MYT1L: variants seen among roughly 807,000 people sequenced by gnomAD.
MYT1L encodes myelin transcription factor 1 like.
Under a neutral mutation model 126.7 loss-of-function variants are expected in MYT1L, and 12 were observed. The ratio of observed to expected loss-of-function variants is 0.09; its 90% CI spans 0.06 to 0.15. The LOEUF (loss-of-function observed/expected upper bound fraction) is 0.15, where lower values mean the gene tolerates loss of function less well. Among genes scored for constraint, MYT1L ranks in the 10% least tolerant of loss-of-function variants. MYT1L has a pLI of 1.00. For missense variants in MYT1L, 979 were observed against 1,585.2 expected, an observed-to-expected ratio of 0.62 and a Z score of 6.49; for synonymous variants, 541 against 604.2, an observed-to-expected ratio of 0.90 and a Z score of 1.53.
intron 19 of MYT1L, among the ~76,000 whole-genome samples, chr2:1,844,656 G>A (rs73913440): frequency 0.04 from 6,092 of 152,182 alleles, 404 homozygotes; most frequent in African/African-American, 0.14. Context: ...CTGCATCATC[G>A]GCTGTGAAAA....
At chr2:2,024,098 A>G (rs1055435597) in intron 4 of MYT1L, among the ~76,000 whole-genome samples, 1 of 152,190 alleles carries the variant, frequency 6.6e-6, no homozygotes, top group African/African-American at 2.4e-5. Flanking sequence ...GAAATTTTTT[A>G]TCTTGACTAT....
chr2:1,795,494 T>C (rs929633343), intron 23 of MYT1L: 17 of 152,706 alleles, frequency 1.1e-4, no homozygotes, highest in African/African-American at 3.9e-4. Flanking sequence ...CAGAGGCCGG[T>C]GTCTCCCTTC....
intron 5 of MYT1L, among the ~76,000 whole-genome samples, chr2:1,980,611 C>G (rs956962112): frequency 1.2e-4 from 18 of 152,052 alleles, no homozygotes; most frequent in African/African-American, 4.3e-4. Flanking sequence ...ATCTTCACAA[C>G]AATTTTGTAA....
At chr2:1,826,328 T>C (rs34808240) in intron 21 of MYT1L, among the ~76,000 whole-genome samples, 7,647 of 152,276 alleles carry the variant, frequency 0.05, 305 homozygotes, top group African/African-American at 0.11. Context: ...AGTGCTTTCA[T>C]TCAGCATCTG....
At chr2:2,238,570 T>G (rs1349009648) in intron 2 of MYT1L, among the ~76,000 whole-genome samples, 1 of 152,188 alleles carries the variant, frequency 6.6e-6, no homozygotes, top group African/African-American at 2.4e-5. Flanking sequence ...TCTTCATTGT[T>G]TGGGGAACAG....
intron 21 of MYT1L, among the ~76,000 whole-genome samples, chr2:1,822,027 C>T (rs1473285510): frequency 1.3e-5 from 2 of 152,218 alleles, no homozygotes; most frequent in South Asian, 2.1e-4. Flanking sequence ...TGAATCCCCA[C>T]TCTAGGTCCC....
chr2:2,280,659 G>A (rs1401696196), intron 2 of MYT1L, among the ~76,000 whole-genome samples: 3 of 152,122 alleles, frequency 2.0e-5, no homozygotes, highest in Non-Finnish European at 2.9e-5. Context: ...CGTAGGACAC[G>A]GCTGCAGTGC....
chr2:2,151,898 C>T (rs577482617), intron 3 of MYT1L, among the ~76,000 whole-genome samples: 11 of 151,996 alleles, frequency 7.2e-5, no homozygotes, highest in South Asian at 4.2e-4. Flanking sequence ...CTACTAAAAA[C>T]GCAAAAAATT....
At chr2:2,053,344 C>A (rs1243129684) in intron 4 of MYT1L, among the ~76,000 whole-genome samples, 1 of 152,172 alleles carries the variant, frequency 6.6e-6, no homozygotes, top group Non-Finnish European at 1.5e-5. Context: ...GTGACCATTG[C>A]ACCACTATGT....
rs541118214 is a variant in MYT1L, at chr2:1,938,752, G to A, written c.505+4230C>T. On this transcript the variant is annotated intron_variant, in intron 9 of 24. Coordinates refer to ENST00000647738, the MANE Select transcript of MYT1L (RefSeq NM_001303052.2). ...CCTACCCATCTTATGCAATCAATGT[G>A]AAGATCAAATTCAATAATGTGATTA... Among the ~76,000 whole-genome samples the A allele has an allele frequency of 2.6e-5, 4 of 152,316 alleles. No homozygotes were observed. The South Asian group carries it at 6.2e-4, about 24-fold the overall frequency.
chr2:2,110,077 C>T (rs1343216732), intron 3 of MYT1L, among the ~76,000 whole-genome samples: 4 of 151,526 alleles, frequency 2.6e-5, no homozygotes, highest in Non-Finnish European at 5.9e-5. Flanking sequence ...GTTGGACGTG[C>T]CTCCATGGTG....
intron 2 of MYT1L, among the ~76,000 whole-genome samples, chr2:2,185,780 G>A (rs2092077254): frequency 7.7e-6 from 1 of 130,244 alleles, no homozygotes; most frequent in South Asian, 2.5e-4. Flanking sequence ...ACGTGAGGGG[G>A]ACGCAGCCGG....
intron 3 of MYT1L, among the ~76,000 whole-genome samples, chr2:2,088,455 G>A (rs2076577637): frequency 2.0e-5 from 3 of 152,084 alleles, no homozygotes; most frequent in Admixed American, 1.3e-4. Context: ...ACTCACAGTA[G>A]GCTGTTGGCC....
At chr2:2,046,804 G>A (rs934854832) in intron 4 of MYT1L, among the ~76,000 whole-genome samples, 8 of 152,148 alleles carry the variant, frequency 5.3e-5, no homozygotes, top group African/African-American at 1.7e-4. Flanking sequence ...CCCTTTCTGA[G>A]CTTCATTGAT....
rs544263596 is a variant in MYT1L, at chr2:1,789,540, G to T, written c.*2327C>A. 1 of 152,206 alleles carries T rather than the reference G, an allele frequency of 6.6e-6. No homozygotes were observed. Among genetic ancestry groups the T allele is most frequent in the East Asian group, 1.9e-4 (1 of 5,202 alleles). The allele number at this position is 152,206 out of a possible 1,614,324, so 9.4% of individuals were successfully genotyped here. On this transcript the variant is annotated 3_prime_UTR_variant, in exon 25 of 25. Transcript: ENST00000647738. ...ATTATGTACCAACGTTAGATGAGCA[G>T]CAGGTTTGTGCTTAAAATCCCTTTC...
At chr2:2,178,797 A>C (rs187541192) in intron 2 of MYT1L, among the ~76,000 whole-genome samples, 6 of 152,234 alleles carry the variant, frequency 3.9e-5, no homozygotes, top group Admixed American at 3.9e-4. Flanking sequence ...ACCCTAACGA[A>C]CCTGTACAGG....
intron 4 of MYT1L, among the ~76,000 whole-genome samples, chr2:2,020,772 A>G (rs1008857118): frequency 2.0e-5 from 3 of 152,210 alleles, no homozygotes; most frequent in Non-Finnish European, 4.4e-5. Context: ...GGCTTTTCCT[A>G]TTCTAAGGGA....
chr2:2,116,906 G>T (rs1206713231), intron 3 of MYT1L, among the ~76,000 whole-genome samples: 1 of 152,236 alleles, frequency 6.6e-6, no homozygotes, highest in Non-Finnish European at 1.5e-5. Context: ...CCCAGCAGTT[G>T]TCAGAAGACT....
Position 2,011,316 on chromosome 2 carries a change from C to A in MYT1L, c.-157-13969G>T, listed in dbSNP as rs549239100. 2.0e-4 allele frequency among the ~76,000 whole-genome samples: 31 copies of A among 151,494 alleles called. No homozygotes were observed. In the East Asian group the frequency reaches 5.7e-3, roughly 28 times the overall value. On this transcript the variant is annotated intron_variant, in intron 4 of 24. Transcript: ENST00000647738. ...CTGAGGCAGGAGAATCACTTGAACC[C>A]GGGAGGCAGTGAGTTGCAGTGAGTT...
Sources: allele counts gnomAD v4.1 joint callset (sites outside exome capture counted in the v4.1 genomes callset), GRCh38; gene constraint gnomAD v4.1.1; transcripts MANE v1.5; gene names NCBI Gene and HGNC (gene_info 2026-07-23, HGNC 2026-07-21).